LCOR: variants seen among roughly 807,000 people sequenced by gnomAD.
LCOR encodes the protein ligand dependent nuclear receptor corepressor.
Under a neutral mutation model 64.4 loss-of-function variants are expected in LCOR, and 14 were observed. That is an observed-to-expected ratio of 0.22 (90% CI 0.14 to 0.34). The LOEUF (loss-of-function observed/expected upper bound fraction) is 0.34. Ranked by LOEUF, LCOR falls within the 10% of genes least tolerant of loss-of-function variation. The pLI, the probability that LCOR is intolerant of heterozygous loss-of-function variation, is 1.00. For synonymous variants in LCOR, 643 were observed against 642.5 expected, an observed-to-expected ratio of 1.00 and a Z score of -0.01; for missense variants, 1,686 against 1,765.3, an observed-to-expected ratio of 0.96 and a Z score of 0.80.
chr10:96,973,061 AAG>A (rs747376824), intron 7 of LCOR, among the ~76,000 whole-genome samples: 10 of 152,312 alleles, frequency 6.6e-5, no homozygotes, highest in Middle Eastern at 3.4e-3. Flanking sequence ...ATCTCTGGGA[AAG>A]GGGATAATTT....
intron 7 of LCOR, among the ~76,000 whole-genome samples, chr10:96,965,525 G>C (rs1469152656): frequency 6.6e-6 from 1 of 150,486 alleles, no homozygotes; most frequent in Non-Finnish European, 1.5e-5. Flanking sequence ...AGCCGGGCGT[G>C]GTGGCGGGCG....
chr10:96,854,549 G>A (rs535570320), intron 2 of LCOR, among the ~76,000 whole-genome samples: 64 of 151,922 alleles, frequency 4.2e-4, no homozygotes, highest in East Asian at 3.3e-3. Context: ...CTGGTCTCGA[G>A]CTCCTGACCT....
At chr10:96,942,073 T>TG (rs1302452352) in intron 4 of LCOR, among the ~76,000 whole-genome samples, 2 of 136,014 alleles carry the variant, frequency 1.5e-5, no homozygotes, top group East Asian at 2.1e-4. Flanking sequence ...CTCGGCACTT[T>TG]GGGGGGCCAA....
intron 2 of LCOR, among the ~76,000 whole-genome samples, chr10:96,842,708 G>A (rs1044734189): frequency 6.8e-6 from 1 of 146,810 alleles, no homozygotes; most frequent in African/African-American, 2.5e-5. Flanking sequence ...TCGGCTCACT[G>A]CATCCTTTTC....
rs1182363141 is a variant in LCOR, at chr10:96,989,747, C to T, written c.*4613C>T. ...TAGAGACGAGGTTACGCTATGTTGC[C>T]GAGGCTGATCTGAAACTCCTGGCCT... On this transcript the variant is annotated 3_prime_UTR_variant, in exon 8 of 8. Transcript: ENST00000421806. The T allele has an allele frequency of 2.3e-5, 3 of 131,894 alleles. No individual in the cohort carries two copies. The highest frequency in any genetic ancestry group is 3.1e-5 in the Non-Finnish European group (2 of 65,238). The allele number at this position is 131,894 out of a possible 1,614,324, so 8.2% of individuals were successfully genotyped here. A position where few individuals can be genotyped will look rare whatever the true frequency, so the allele number is the denominator to read the frequency against.
chr10:96,939,589 A>G (rs1418148400), intron 4 of LCOR, among the ~76,000 whole-genome samples: 2 of 152,242 alleles, frequency 1.3e-5, no homozygotes, highest in African/African-American at 4.8e-5. Flanking sequence ...CAAATCATAT[A>G]TCTAATAATG....
intron 2 of LCOR, among the ~76,000 whole-genome samples, chr10:96,834,202 A>G (rs1845400548): frequency 6.6e-6 from 1 of 152,266 alleles, no homozygotes; most frequent in Non-Finnish European, 1.5e-5. Flanking sequence ...CGAAATTAAT[A>G]TAGGCAACAA....
chr10:96,881,725 G>A (rs1846266296), intron 2 of LCOR, among the ~76,000 whole-genome samples: 1 of 152,056 alleles, frequency 6.6e-6, no homozygotes, highest in Admixed American at 6.5e-5. Flanking sequence ...CCAAAGTGTT[G>A]GTATTACAGG....
chr10:96,957,250 C>T, intron 7 of LCOR: 1 of 984,762 alleles, frequency 1.0e-6, no homozygotes, highest in Non-Finnish European at 1.2e-6. Context: ...CCCTTCTTGA[C>T]TTTTTCTGAT....
At chr10:96,888,562 C>T (rs1846386939) in intron 2 of LCOR, among the ~76,000 whole-genome samples, 1 of 151,862 alleles carries the variant, frequency 6.6e-6, no homozygotes, top group Non-Finnish European at 1.5e-5. Flanking sequence ...ATGGAAAATG[C>T]ACATACCTCA....
intron 2 of LCOR, among the ~76,000 whole-genome samples, chr10:96,870,168 G>A (rs563512303): frequency 4.6e-5 from 7 of 151,338 alleles, no homozygotes; most frequent in South Asian, 2.1e-4. Context: ...GACTACAGGC[G>A]CCCGCCACCA....
intron 2 of LCOR, among the ~76,000 whole-genome samples, chr10:96,842,697 C>G (rs2134366378): frequency 7.2e-6 from 1 of 139,292 alleles, no homozygotes; most frequent in South Asian, 2.3e-4. Context: ...GTGGTGTGAT[C>G]TCGGCTCACT....
chr10:96,900,135 A>G (rs1385425609), intron 2 of LCOR, among the ~76,000 whole-genome samples: 1 of 152,062 alleles, frequency 6.6e-6, no homozygotes, highest in Non-Finnish European at 1.5e-5. Context: ...CTATCTATAG[A>G]TTTGCCTTTT....
rs1848078486 is a variant in LCOR at position 96,980,920 on chromosome 10, A to G, written c.460A>G (p.Thr154Ala). The G allele has an allele frequency of 1.4e-6, 1 of 703,000 alleles. No individual in the cohort carries two copies. Among genetic ancestry groups the G allele is most frequent in the Non-Finnish European group, 2.6e-6 (1 of 385,000 alleles). 43.5% of individuals were successfully genotyped at this position (703,000 alleles called of 1,614,324 possible). A position where few individuals can be genotyped will look rare whatever the true frequency, so the allele number is the denominator to read the frequency against. The stretch of plus-strand genomic sequence containing the variant: ...CATTCGTGTTCTGAACGACCTGTAC[A>G]CTGAATCTCAACCAGGCACTGAGGA... ...QFIRVLNDLYTESQPGTEDLQ... is the reference protein window; with the variant it reads ...QFIRVLNDLYAESQPGTEDLQ... The change falls in exon 8 of 8, where the codon ACT becomes GCT. Residue 154 changes from threonine (T) to alanine (A), a missense_variant. Coordinates refer to ENST00000421806, the MANE Select transcript of LCOR (RefSeq NM_001346516.2).
At chr10:96,925,162 G>A (rs1217165347) in intron 4 of LCOR, among the ~76,000 whole-genome samples, 3 of 151,886 alleles carry the variant, frequency 2.0e-5, no homozygotes, top group African/African-American at 2.4e-5. Flanking sequence ...AGCAACCTCC[G>A]CGTCCCGGGT....
At chr10:96,883,463 A>G (rs566523612) in intron 2 of LCOR, among the ~76,000 whole-genome samples, 98 of 152,360 alleles carry the variant, frequency 6.4e-4, no homozygotes, top group Non-Finnish European at 1.1e-3. Context: ...GTGGTTGTAC[A>G]ATTTCGCATT....
chr10:96,902,474 G>A (rs1387282610), intron 2 of LCOR, among the ~76,000 whole-genome samples: 1 of 152,168 alleles, frequency 6.6e-6, no homozygotes, highest in Non-Finnish European at 1.5e-5. Flanking sequence ...AATGGTCATT[G>A]CTCATTATCT....
intron 2 of LCOR, among the ~76,000 whole-genome samples, chr10:96,867,215 A>T (rs1845989234): frequency 6.6e-6 from 1 of 151,590 alleles, no homozygotes; most frequent in South Asian, 2.1e-4. Flanking sequence ...CTGATGTCGA[A>T]CTCCCGACCT....
At chr10:96,909,585 C>G in intron 4 of LCOR, among the ~76,000 whole-genome samples, 1 of 152,206 alleles carries the variant, frequency 6.6e-6, no homozygotes, top group Admixed American at 6.5e-5. Flanking sequence ...CCTTGTACCC[C>G]TGCATATAAC....
Sources: allele counts gnomAD v4.1 joint callset (sites outside exome capture counted in the v4.1 genomes callset), GRCh38; gene constraint gnomAD v4.1.1; transcripts MANE v1.5; gene names NCBI Gene and HGNC (gene_info 2026-07-23, HGNC 2026-07-21).